Variants in IRGM observed in about 807,000 individuals in gnomAD.
IRGM encodes immunity-related GTPase family M protein.
For synonymous variants in IRGM, 98 were observed against 80.6 expected, an observed-to-expected ratio of 1.22 and a Z score of -1.16; for missense variants, 288 against 219.9, an observed-to-expected ratio of 1.31 and a Z score of -1.96.
chr5:150,873,202 A>G (rs1255499213), intron 1 of IRGM, among the ~76,000 whole-genome samples: 1 of 152,190 alleles, frequency 6.6e-6, no homozygotes, highest in African/African-American at 2.4e-5. Context: ...TAAAAGTGAA[A>G]TTGATAGGAA....
At chr5:150,892,611 A>T (rs1197793745) in intron 3 of IRGM, among the ~76,000 whole-genome samples, 1 of 152,116 alleles carries the variant, frequency 6.6e-6, no homozygotes, top group Non-Finnish European at 1.5e-5. Context: ...AATGTTAACT[A>T]GAAAGAGTCA....
At chr5:150,852,485 G>T (rs559897791), downstream of IRGM, among the ~76,000 whole-genome samples, 1 of 152,106 alleles carries the variant, frequency 6.6e-6, no homozygotes, top group South Asian at 2.1e-4. Context: ...TATAATCAAA[G>T]CCCATTTTAG....
chr5:150,868,497 A>G (rs1057462335), intron 1 of IRGM, among the ~76,000 whole-genome samples: 1 of 152,020 alleles, frequency 6.6e-6, no homozygotes, highest in African/African-American at 2.4e-5. Flanking sequence ...TGTTTTTTCT[A>G]GTTCTGTGAA....
intron 2 of IRGM, among the ~76,000 whole-genome samples, chr5:150,879,325 A>G (rs533654115): frequency 6.6e-6 from 1 of 152,206 alleles, no homozygotes; most frequent in Non-Finnish European, 1.5e-5. Flanking sequence ...TGTGCATTGA[A>G]ACACCAGTGT....
chr5:150,857,292 T>C (rs1342067540), intron 1 of IRGM, among the ~76,000 whole-genome samples: 1 of 152,208 alleles, frequency 6.6e-6, no homozygotes, highest in Non-Finnish European at 1.5e-5. Context: ...TAGTATTCCA[T>C]GTTGTATATG....
downstream of IRGM, among the ~76,000 whole-genome samples, chr5:150,851,901 C>G (rs1753983122): frequency 6.6e-6 from 1 of 152,164 alleles, no homozygotes; most frequent in Admixed American, 6.5e-5. Flanking sequence ...ACCTGTGCAA[C>G]TAATGGAATG....
At chr5:150,893,785 A>C (rs920045597) in intron 3 of IRGM, among the ~76,000 whole-genome samples, 1 of 152,118 alleles carries the variant, frequency 6.6e-6, no homozygotes, top group African/African-American at 2.4e-5. Flanking sequence ...TTTTATAGCC[A>C]TGTGCTAGCT....
chr5:150,883,024 G>A (rs4560537), intron 3 of IRGM, among the ~76,000 whole-genome samples: 31,787 of 151,878 alleles, frequency 0.21, 5,363 homozygotes, highest in African/African-American at 0.45. Flanking sequence ...ATCTTTTCCA[G>A]CCAAAATGGT....
At position 150,880,749 on chromosome 5, in the gene IRGM, C is replaced by T. The variant is rs145447718; in HGVS notation, c.*140+1103C>T. Among the ~76,000 whole-genome samples the T allele has an allele frequency of 1.7e-3, 261 of 152,260 alleles. 1 individual carries two copies. The highest frequency in any genetic ancestry group is 6.0e-3 in the African/African-American group (251 of 41,538). On this transcript the variant is annotated intron_variant and NMD_transcript_variant, in intron 3 of 3. Coordinates refer to the IRGM transcript ENST00000520549. Reference sequence around the variant, plus strand: ...ATGTTTCATATTTTCATAAAGAGTACCTCATGGAAGTTAATCATCACTGAA... The same window carrying T: ...ATGTTTCATATTTTCATAAAGAGTATCTCATGGAAGTTAATCATCACTGAA...
intron 3 of IRGM, chr5:150,896,067 G>GAA: frequency 3.7e-6 from 6 of 1,613,312 alleles, no homozygotes; most frequent in Non-Finnish European, 5.1e-6. Context: ...TGACTTCTGG[G>GAA]AAAAGGCCTT....
At chr5:150,878,144 G>T in intron 2 of IRGM, 1 of 414,680 alleles carries the variant, frequency 2.4e-6, no homozygotes, top group South Asian at 1.8e-5. Flanking sequence ...ACTGATTTTA[G>T]TAAGTTTAAA....
intron 1 of IRGM, among the ~76,000 whole-genome samples, chr5:150,877,339 T>TTAAA (rs1282378911): frequency 2.6e-5 from 4 of 152,160 alleles, no homozygotes; most frequent in Non-Finnish European, 4.4e-5. Flanking sequence ...GAGGCCAGTA[T>TTAAA]TAAAGCAGGC....
downstream of IRGM, among the ~76,000 whole-genome samples, chr5:150,850,044 A>G (rs895145589): frequency 2.6e-5 from 4 of 152,252 alleles, no homozygotes; most frequent in Admixed American, 2.0e-4. Context: ...ATGCCTGTAT[A>G]GATGGTAAAA....
intron 1 of IRGM, among the ~76,000 whole-genome samples, chr5:150,867,806 G>A (rs1302897763): frequency 6.6e-6 from 1 of 150,972 alleles, no homozygotes; most frequent in South Asian, 2.1e-4. Flanking sequence ...CACGTCCTTA[G>A]CCCACGTATT....
At chr5:150,853,400 C>G (rs374053361), downstream of IRGM, among the ~76,000 whole-genome samples, 152 of 152,162 alleles carry the variant, frequency 1.0e-3, no homozygotes, top group African/African-American at 3.5e-3. Flanking sequence ...ACCATATATT[C>G]TAATGGAATC....
At chr5:150,870,137 TA>T (rs1275230504) in intron 1 of IRGM, among the ~76,000 whole-genome samples, 1 of 152,174 alleles carries the variant, frequency 6.6e-6, no homozygotes, top group African/African-American at 2.4e-5. Flanking sequence ...GGTGCAAAAG[TA>T]ATTGCAGTTT....
chr5:150,877,724 T>C (rs1754384997), intron 1 of IRGM, among the ~76,000 whole-genome samples: 1 of 152,140 alleles, frequency 6.6e-6, no homozygotes, highest in African/African-American at 2.4e-5. Flanking sequence ...TTGGGTACCA[T>C]GCTTGCTAAC....
At chr5:150,871,705 T>A (rs74885364) in intron 1 of IRGM, among the ~76,000 whole-genome samples, 1 of 152,218 alleles carries the variant, frequency 6.6e-6, no homozygotes, top group Non-Finnish European at 1.5e-5. Context: ...ATTTACTGAC[T>A]AAAATAGTTA....
At chr5:150,861,487 G>C (rs1754135305) in intron 1 of IRGM, among the ~76,000 whole-genome samples, 1 of 152,180 alleles carries the variant, frequency 6.6e-6, no homozygotes, top group Non-Finnish European at 1.5e-5. Context: ...TAAATGAGGG[G>C]AACACCAGAG....
Sources: allele counts gnomAD v4.1 joint callset (sites outside exome capture counted in the v4.1 genomes callset), GRCh38; gene constraint gnomAD v4.1.1; transcripts MANE v1.5; gene names NCBI Gene and HGNC (gene_info 2026-07-23, HGNC 2026-07-21).